MGMT: variants seen among roughly 807,000 people sequenced by gnomAD.
MGMT encodes O-6-methylguanine-DNA methyltransferase.
Under a neutral mutation model 15.9 loss-of-function variants are expected in MGMT, and 14 were observed. That is an observed-to-expected ratio of 0.88 (90% CI 0.58 to 1.37). The LOEUF (loss-of-function observed/expected upper bound fraction) is 1.37, where lower values mean the gene tolerates loss of function less well. MGMT is among the 40% of genes most tolerant of loss of function. The probability of loss-of-function intolerance (pLI) is 0.00; values close to 1 mark genes in which losing one functional copy is unlikely to be tolerated. For missense variants in MGMT, 282 were observed against 268.1 expected (o/e 1.05, Z -0.36); for synonymous variants, 130 against 118.2 (o/e 1.10, Z -0.65).
At position 129,708,061 on chromosome 10, in the gene MGMT, C is replaced by T. The variant is rs1848188259; in HGVS notation, c.274+18C>T. The T allele has an allele frequency of 6.2e-7, 1 of 1,604,604 alleles. No individual in the cohort carries two copies. Among genetic ancestry groups the T allele is most frequent in the African/African-American group, 1.3e-5 (1 of 74,496 alleles). On this transcript the variant is annotated intron_variant, in intron 3 of 4. Transcript: ENST00000651593. ...CCAGCAAGGTCGGTAACTAAGCCAT[C>T]TGCGGTGTTTCCTTTGGGGAGCTTG... is the stretch of plus-strand genomic sequence containing the variant.
intron 1 of MGMT, among the ~76,000 whole-genome samples, chr10:129,497,002 T>C (rs937222083): frequency 2.0e-5 from 3 of 151,952 alleles, no homozygotes; most frequent in African/African-American, 4.8e-5. Context: ...CAGTTTTTTT[T>C]CCCCCTTTTT....
chr10:129,578,142 A>T (rs1053673486), intron 2 of MGMT, among the ~76,000 whole-genome samples: 1 of 152,212 alleles, frequency 6.6e-6, no homozygotes, highest in East Asian at 1.9e-4. Context: ...TCAAGGATCT[A>T]GAACTAGAAA....
chr10:129,619,644 T>C (rs558950496), intron 2 of MGMT, among the ~76,000 whole-genome samples: 2 of 152,330 alleles, frequency 1.3e-5, no homozygotes, highest in African/African-American at 4.8e-5. Context: ...ATTTAAAAAA[T>C]ATATGCAATA....
At chr10:129,517,077 C>T (rs1845746461) in intron 1 of MGMT, among the ~76,000 whole-genome samples, 2 of 152,222 alleles carry the variant, frequency 1.3e-5, no homozygotes, top group African/African-American at 2.4e-5. Flanking sequence ...CCAGCTTCTC[C>T]AGGTAAGACT....
chr10:129,570,715 C>G (rs1846408212), intron 2 of MGMT, among the ~76,000 whole-genome samples: 1 of 152,140 alleles, frequency 6.6e-6, no homozygotes, highest in Non-Finnish European at 1.5e-5. Context: ...ATTGACTATT[C>G]ATCGATTCTT....
At chr10:129,669,243 C>T (rs1442424873) in intron 2 of MGMT, among the ~76,000 whole-genome samples, 1 of 152,102 alleles carries the variant, frequency 6.6e-6, no homozygotes, top group Non-Finnish European at 1.5e-5. Flanking sequence ...GTTGCCCAGA[C>T]TGGCTTCAAA....
Position 129,472,786 on chromosome 10 carries a change from G to A in MGMT, c.-13+5490G>A, listed in dbSNP as rs372924812. ...TGTTTTGGTGGAGGCAGGACTGGAGGTCGGGATCACTTGGCCACATTTGCC... is the reference window on the plus strand; with the variant it reads ...TGTTTTGGTGGAGGCAGGACTGGAGATCGGGATCACTTGGCCACATTTGCC... On this transcript the variant is annotated intron_variant, in intron 1 of 4. Transcript: ENST00000651593. Among the ~76,000 whole-genome samples, 296 of 152,320 alleles carry A rather than the reference G, an allele frequency of 1.9e-3. 1 individual carries two copies. The highest frequency in any genetic ancestry group is 6.7e-3 in the African/African-American group (280 of 41,574).
chr10:129,708,097 G>A (rs1056525631), intron 3 of MGMT, 54 bp downstream of exon 3: 96 of 1,553,594 alleles, frequency 6.2e-5, no homozygotes, highest in Non-Finnish European at 7.2e-5. Flanking sequence ...ACTTATTAAC[G>A]ATCGCTGACA....
At chr10:129,499,945 AT>A in intron 1 of MGMT, among the ~76,000 whole-genome samples, 1 of 152,294 alleles carries the variant, frequency 6.6e-6, no homozygotes, top group East Asian at 1.9e-4. Context: ...ATTAGGTCTT[AT>A]TTTTGGAAGG....
At position 129,681,808 on chromosome 10, in the gene MGMT, C is replaced by T. The variant is rs539347772; in HGVS notation, c.126-26087C>T. 5.7e-4 allele frequency among the ~76,000 whole-genome samples: 87 copies of T among 152,208 alleles called. 1 individual carries two copies. Among genetic ancestry groups the T allele is most frequent in the African/African-American group, 1.9e-3 (80 of 41,554 alleles). ...TCCTGGAGGCACTCACCAGCATATA[C>T]CGAGGAACAACTGTATTTGCAAATC... is the stretch of plus-strand genomic sequence containing the variant. On this transcript the variant is annotated intron_variant, in intron 2 of 4. Coordinates refer to ENST00000651593, the MANE Select transcript of MGMT (RefSeq NM_002412.5).
chr10:129,681,508 A>G (rs1847852345), intron 2 of MGMT, among the ~76,000 whole-genome samples: 1 of 152,194 alleles, frequency 6.6e-6, no homozygotes, highest in Non-Finnish European at 1.5e-5. Flanking sequence ...ATTTTTAAAA[A>G]ATTCTGTTCC....
intron 1 of MGMT, among the ~76,000 whole-genome samples, chr10:129,483,902 A>G (rs1167890005): frequency 1.3e-5 from 2 of 151,684 alleles, no homozygotes; most frequent in African/African-American, 2.4e-5. Flanking sequence ...ATAGATAGAT[A>G]TAGATATAGA....
At chr10:129,549,349 C>T (rs1192806776) in intron 2 of MGMT, among the ~76,000 whole-genome samples, 2 of 152,150 alleles carry the variant, frequency 1.3e-5, no homozygotes, top group Admixed American at 1.3e-4. Context: ...GATCCGTGTG[C>T]TTAGACATAG....
At chr10:129,576,839 C>G (rs1328513395) in intron 2 of MGMT, among the ~76,000 whole-genome samples, 6 of 152,212 alleles carry the variant, frequency 3.9e-5, no homozygotes, top group Non-Finnish European at 7.3e-5. Flanking sequence ...TCAGCAAAGT[C>G]TCAGGATACA....
In MGMT at chr10:129,644,411, G is replaced by A. The variant is rs548854530; in HGVS notation, c.126-63484G>A. 3.3e-5 allele frequency among the ~76,000 whole-genome samples: 5 copies of A among 152,328 alleles called. No individual in the cohort carries two copies. In the East Asian group the frequency reaches 5.8e-4, roughly 18 times the overall value. On this transcript the variant is annotated intron_variant, in intron 2 of 4. Transcript: ENST00000651593. ...AGGGAGGCTCCCCTAGGCTGGCGTC[G>A]GGGCCAGGCAGCCTGAGGATGTGAA... is the stretch of plus-strand genomic sequence containing the variant.
At chr10:129,579,522 T>C (rs1382055800) in intron 2 of MGMT, among the ~76,000 whole-genome samples, 3 of 152,380 alleles carry the variant, frequency 2.0e-5, no homozygotes, top group South Asian at 2.1e-4. Flanking sequence ...TGCGGCACTT[T>C]GGAAGGACGT....
chr10:129,667,222 G>A (rs1178427475), intron 2 of MGMT, among the ~76,000 whole-genome samples: 1 of 152,166 alleles, frequency 6.6e-6, no homozygotes, highest in Non-Finnish European at 1.5e-5. Context: ...TCCTGCTGCT[G>A]CTCCCAGAAG....
intron 2 of MGMT, among the ~76,000 whole-genome samples, chr10:129,554,933 T>C (rs1303906989): frequency 6.6e-6 from 1 of 152,148 alleles, no homozygotes; most frequent in Non-Finnish European, 1.5e-5. Flanking sequence ...ATCACTTCAC[T>C]CCATGCCTCA....
chr10:129,677,026 G>C (rs1847793891), intron 2 of MGMT, among the ~76,000 whole-genome samples: 1 of 152,178 alleles, frequency 6.6e-6, no homozygotes, highest in Non-Finnish European at 1.5e-5. Context: ...TCCACCATCA[G>C]CGTGCTAGTA....
Sources: allele counts gnomAD v4.1 joint callset (sites outside exome capture counted in the v4.1 genomes callset), GRCh38; gene constraint gnomAD v4.1.1; transcripts MANE v1.5; gene names NCBI Gene and HGNC (gene_info 2026-07-23, HGNC 2026-07-21).